Variants in NAALADL2 observed in about 807,000 individuals in gnomAD.
NAALADL2 encodes the protein inactive N-acetylated-alpha-linked acidic dipeptidase-like protein 2.
NAALADL2 carries 76 observed loss-of-function variants against 87.2 expected under a neutral mutation model. That is an observed-to-expected ratio of 0.87 (90% CI 0.72 to 1.05). NAALADL2 has a LOEUF of 1.05. Among genes scored for constraint, NAALADL2 ranks in the 50% least tolerant of loss-of-function variants. The probability of loss-of-function intolerance (pLI) is 0.00; values close to 1 mark genes in which losing one functional copy is unlikely to be tolerated. For synonymous variants in NAALADL2, 354 were observed against 331.0 expected, an observed-to-expected ratio of 1.07 and a Z score of -0.75; for missense variants, 1,089 against 945.8, an observed-to-expected ratio of 1.15 and a Z score of -1.99.
At chr3:174,816,556 G>A (rs1338193934) in intron 3 of NAALADL2, among the ~76,000 whole-genome samples, 1 of 146,060 alleles carries the variant, frequency 6.8e-6, no homozygotes, top group South Asian at 2.2e-4. Context: ...TATAAATTAT[G>A]TTATGTAACA....
chr3:175,383,602 G>A (rs137927279), intron 5 of NAALADL2, among the ~76,000 whole-genome samples: 167 of 151,872 alleles, frequency 1.1e-3, no homozygotes, highest in Middle Eastern at 6.8e-3. Flanking sequence ...GTTTTGTTTT[G>A]TTTTGTTTTT....
chr3:174,454,741 G>A (rs551599163), intron 1 of NAALADL2, among the ~76,000 whole-genome samples: 1 of 152,236 alleles, frequency 6.6e-6, no homozygotes, highest in South Asian at 2.1e-4. Context: ...GCAATGTTAA[G>A]AGGGAAATGT....
chr3:174,627,349 T>C (rs1721672581), intron 2 of NAALADL2, among the ~76,000 whole-genome samples: 1 of 152,120 alleles, frequency 6.6e-6, no homozygotes, highest in South Asian at 2.1e-4. Flanking sequence ...GCATCTCTAA[T>C]CATCAGAGGA....
intron 11 of NAALADL2, among the ~76,000 whole-genome samples, chr3:175,640,253 A>C (rs1729106700): frequency 6.6e-6 from 1 of 152,170 alleles, no homozygotes; most frequent in Admixed American, 6.5e-5. Context: ...ATTATTAATA[A>C]GAGAAAGGTG....
At chr3:174,556,370 G>C (rs1158463017) in intron 2 of NAALADL2, among the ~76,000 whole-genome samples, 1 of 151,890 alleles carries the variant, frequency 6.6e-6, no homozygotes, top group African/African-American at 2.4e-5. Context: ...TAGCAGTTCT[G>C]TTCTTTTGCC....
At chr3:175,208,783 CA>C (rs1741340557) in intron 2 of NAALADL2, among the ~76,000 whole-genome samples, 1 of 152,076 alleles carries the variant, frequency 6.6e-6, no homozygotes, top group African/African-American at 2.4e-5. Flanking sequence ...AAGGCCAGAA[CA>C]AGTTTAATAG....
At chr3:174,513,303 T>C (rs949392200) in intron 1 of NAALADL2, among the ~76,000 whole-genome samples, 2 of 152,292 alleles carry the variant, frequency 1.3e-5, no homozygotes, top group Non-Finnish European at 2.9e-5. Flanking sequence ...CATGCTGGTA[T>C]TGTATATATC....
At chr3:175,135,694 T>C (rs1242951801) in intron 2 of NAALADL2, among the ~76,000 whole-genome samples, 4 of 152,144 alleles carry the variant, frequency 2.6e-5, no homozygotes, top group Admixed American at 6.5e-5. Flanking sequence ...GAGCAGGTGA[T>C]CCTGAAAGAT....
At chr3:175,055,834 C>T (rs529162923) in intron 1 of NAALADL2, among the ~76,000 whole-genome samples, 16 of 152,306 alleles carry the variant, frequency 1.1e-4, no homozygotes, top group African/African-American at 3.8e-4. Context: ...ACTCTCAGTC[C>T]TGCCATTGCC....
intron 1 of NAALADL2, among the ~76,000 whole-genome samples, chr3:175,050,409 G>A (rs1235487030): frequency 3.3e-5 from 5 of 152,204 alleles, no homozygotes; most frequent in South Asian, 4.1e-4. Context: ...TCACAGGGAC[G>A]CACCACCACG....
intron 11 of NAALADL2, among the ~76,000 whole-genome samples, chr3:175,633,232 C>T (rs528117837): frequency 1.3e-5 from 2 of 152,092 alleles, no homozygotes; most frequent in Non-Finnish European, 2.9e-5. Context: ...TATGCCCAAT[C>T]CTCAGATCTT....
chr3:175,043,739 T>A (rs1017405210), intron 1 of NAALADL2, among the ~76,000 whole-genome samples: 4 of 152,122 alleles, frequency 2.6e-5, no homozygotes, highest in Non-Finnish European at 4.4e-5. Context: ...AGTCTATGTG[T>A]CTGTATTTAT....
intron 2 of NAALADL2, among the ~76,000 whole-genome samples, chr3:175,180,247 A>G (rs1736269667): frequency 6.6e-6 from 1 of 152,030 alleles, no homozygotes; most frequent in Non-Finnish European, 1.5e-5. Context: ...AAAAAGTCAG[A>G]ACAAAAATTA....
At chr3:174,477,565 T>C (rs1484899380) in intron 1 of NAALADL2, among the ~76,000 whole-genome samples, 2 of 152,170 alleles carry the variant, frequency 1.3e-5, no homozygotes, top group African/African-American at 4.8e-5. Flanking sequence ...GCTGCCTAAA[T>C]TGGTTAATTG....
intron 9 of NAALADL2, 85 bp from the exon 10 acceptor site, chr3:175,575,956 C>T: frequency 2.7e-6 from 3 of 1,118,340 alleles, no homozygotes; most frequent in African/African-American, 1.6e-5. Flanking sequence ...TGCTGCTGAT[C>T]TGTGGACCAT....
chr3:175,718,539 T>A (rs749571066), intron 11 of NAALADL2: 9 of 1,591,738 alleles, frequency 5.7e-6, no homozygotes, highest in Admixed American at 3.3e-5. Flanking sequence ...CTTGTAAGTG[T>A]CATGTCTTCG....
At chr3:175,554,607 A>T (rs912392693) in intron 9 of NAALADL2, among the ~76,000 whole-genome samples, 11 of 152,074 alleles carry the variant, frequency 7.2e-5, no homozygotes, top group Admixed American at 5.9e-4. Context: ...AAATAGGGTC[A>T]TTGGGTCAAA....
chr3:175,431,602 G>A (rs7613838), intron 5 of NAALADL2, among the ~76,000 whole-genome samples: 4,298 of 151,974 alleles, frequency 0.028, 209 homozygotes, highest in African/African-American at 0.096. Flanking sequence ...TTTGCAAAGC[G>A]TTCCAAAAAC....
chr3:175,466,925 T>G (rs1039828944), intron 7 of NAALADL2, 54 bp from the exon 8 acceptor site: 32 of 1,358,768 alleles, frequency 2.4e-5, no homozygotes, highest in Non-Finnish European at 3.4e-5. Flanking sequence ...GTCATTAAAT[T>G]TATTGTTAAG....
Sources: allele counts gnomAD v4.1 joint callset (sites outside exome capture counted in the v4.1 genomes callset), GRCh38; gene constraint gnomAD v4.1.1; transcripts MANE v1.5; gene names NCBI Gene and HGNC (gene_info 2026-07-23, HGNC 2026-07-21).